Variants in WDR41 observed in about 807,000 individuals in gnomAD.
The protein encoded by WDR41 is WD repeat-containing protein 41.
In WDR41, 63 loss-of-function variants were observed where a neutral mutation model predicts 69.3. The observed-to-expected ratio is 0.91, with a 90% CI of 0.74 to 1.12. The LOEUF is 1.12. WDR41 is among the 50% of genes most tolerant of loss of function. The probability of loss-of-function intolerance (pLI) is 0.00; values close to 1 mark genes in which losing one functional copy is unlikely to be tolerated. For synonymous variants in WDR41, 185 were observed against 192.1 expected (o/e 0.96, Z 0.31); for missense variants, 543 against 534.5 (o/e 1.02, Z -0.16).
chr5:77,549,204 G>A (rs1743253605), intron 1 of WDR41, among the ~76,000 whole-genome samples: 10 of 152,050 alleles, frequency 6.6e-5, no homozygotes, highest in Admixed American at 6.5e-4. Flanking sequence ...GGTGATGGGT[G>A]CACCAAAATC....
At chr5:77,448,868 A>AAAACAAAC (rs10646790) in intron 8 of WDR41, among the ~76,000 whole-genome samples, 70,711 of 149,106 alleles carry the variant, frequency 0.47, 17,015 homozygotes, top group Admixed American at 0.55. Flanking sequence ...ACTCCATCTC[A>AAAACAAAC]AAACAAACAA....
At chr5:77,575,642 G>A (rs1743817119) in intron 1 of WDR41, among the ~76,000 whole-genome samples, 1 of 152,156 alleles carries the variant, frequency 6.6e-6, no homozygotes. Flanking sequence ...TCAGAGAGGA[G>A]TCCGTGATAC....
intron 2 of WDR41, 30 bp from the exon 3 acceptor site, chr5:77,464,839 A>AC: frequency 2.5e-6 from 4 of 1,611,070 alleles, no homozygotes; most frequent in Non-Finnish European, 3.4e-6. Flanking sequence ...CAAGAAAAAA[A>AC]AATCACTGGT....
At chr5:77,463,005 G>A in intron 4 of WDR41, 90 bp downstream of exon 4, 1 of 1,418,396 alleles carries the variant, frequency 7.1e-7, no homozygotes, top group Non-Finnish European at 9.5e-7. Flanking sequence ...AGAATATACA[G>A]ACAAGACCCT....
rs554865002 is a variant in WDR41 at position 77,609,297 on chromosome 5, G to C, written c.42+11182C>G. Among the ~76,000 whole-genome samples, 524 of 152,282 alleles carry C rather than the reference G, an allele frequency of 3.4e-3. 4 individuals are homozygous for C. Among genetic ancestry groups the C allele is most frequent in the African/African-American group, 0.011 (462 of 41,556 alleles). ...TGTCCCTATCTGACAGCTTTGAAGA[G>C]AGCAGTGGTTCTCCCAGCACGCAGC... is the stretch of plus-strand genomic sequence containing the variant. On this transcript the variant is annotated intron_variant, in intron 1 of 5. Coordinates refer to the WDR41 transcript ENST00000509971.
chr5:77,582,670 AG>A, intron 1 of WDR41: 2 of 1,600,880 alleles, frequency 1.2e-6, no homozygotes, highest in East Asian at 4.5e-5. Flanking sequence ...CAGAGGTATC[AG>A]TGCTGTGAGC....
intron 1 of WDR41, among the ~76,000 whole-genome samples, chr5:77,511,017 A>G (rs1335281442): frequency 6.6e-6 from 1 of 152,120 alleles, no homozygotes; most frequent in Non-Finnish European, 1.5e-5. Flanking sequence ...TTGGCCTCCC[A>G]AAGTGCTGGG....
chr5:77,619,939 A>G (rs1315195747), intron 1 of WDR41, among the ~76,000 whole-genome samples: 4 of 152,112 alleles, frequency 2.6e-5, no homozygotes, highest in Non-Finnish European at 5.9e-5. Context: ...ATGATGTTTA[A>G]AGAGGGGACA....
At chr5:77,612,443 C>A (rs1035526876) in intron 1 of WDR41, among the ~76,000 whole-genome samples, 1 of 152,174 alleles carries the variant, frequency 6.6e-6, no homozygotes, top group Non-Finnish European at 1.5e-5. Flanking sequence ...AGCTTATCCA[C>A]CATGATCAAG....
intron 2 of WDR41, among the ~76,000 whole-genome samples, chr5:77,470,257 T>TC (rs1561750226): frequency 1.6e-4 from 24 of 149,488 alleles, no homozygotes; most frequent in African/African-American, 6.0e-4. Context: ...CAGGCCTGTC[T>TC]TAAAAGAGCT....
At chr5:77,511,689 G>C (rs1468605090) in intron 1 of WDR41, among the ~76,000 whole-genome samples, 1 of 151,922 alleles carries the variant, frequency 6.6e-6, no homozygotes, top group Non-Finnish European at 1.5e-5. Flanking sequence ...TATTAGTAAA[G>C]GTCAGCCTAG....
chr5:77,488,767 T>C (rs1166765569), intron 2 of WDR41, among the ~76,000 whole-genome samples: 1 of 152,166 alleles, frequency 6.6e-6, no homozygotes, highest in Non-Finnish European at 1.5e-5. Flanking sequence ...AAGAAAAACA[T>C]AGCCTCATTC....
intron 1 of WDR41, among the ~76,000 whole-genome samples, chr5:77,514,686 A>G (rs899010541): frequency 3.9e-5 from 6 of 152,152 alleles, no homozygotes; most frequent in African/African-American, 1.4e-4. Flanking sequence ...TCATTGTGCC[A>G]TTGTAGAGGG....
At chr5:77,619,762 T>A (rs974567947) in intron 1 of WDR41, among the ~76,000 whole-genome samples, 6 of 151,832 alleles carry the variant, frequency 4.0e-5, no homozygotes, top group Non-Finnish European at 7.4e-5. Context: ...TTTGTTTTTT[T>A]AACAAGGGTT....
intron 1 of WDR41, among the ~76,000 whole-genome samples, chr5:77,510,420 T>C (rs1802180413): frequency 6.6e-6 from 1 of 152,116 alleles, no homozygotes; most frequent in South Asian, 2.1e-4. Flanking sequence ...AGCCAAACCA[T>C]ATCACCAGGA....
At chr5:77,502,250 C>A (rs2112155163) in intron 1 of WDR41, among the ~76,000 whole-genome samples, 1 of 151,558 alleles carries the variant, frequency 6.6e-6, no homozygotes, top group Admixed American at 6.6e-5. Flanking sequence ...CCAATTCAAT[C>A]AAATGGAAGA....
chr5:77,464,039 T>C (rs925929302), intron 3 of WDR41, among the ~76,000 whole-genome samples: 6 of 149,824 alleles, frequency 4.0e-5, no homozygotes, highest in African/African-American at 1.2e-4. Flanking sequence ...GCCTTAAGTA[T>C]TTATTTAAAA....
intron 1 of WDR41, among the ~76,000 whole-genome samples, chr5:77,507,169 G>A (rs1192683033): frequency 2.0e-5 from 3 of 152,148 alleles, no homozygotes; most frequent in Non-Finnish European, 4.4e-5. Context: ...AGGAGATCTA[G>A]CTTAAAAATA....
At chr5:77,590,883 A>T (rs1164607286) in intron 1 of WDR41, among the ~76,000 whole-genome samples, 1 of 152,184 alleles carries the variant, frequency 6.6e-6, no homozygotes. Context: ...GTCTCATAGA[A>T]TGAGTTGGAA....
Sources: gnomAD v4.1 joint callset for allele counts (sites outside exome capture counted in the v4.1 genomes callset) on GRCh38, gnomAD v4.1.1 for gene constraint, MANE v1.5 for transcripts, NCBI Gene and HGNC (gene_info 2026-07-23, HGNC 2026-07-21) for gene names.